The following SPRR2G variants were observed in gnomAD, a reference collection of about 807,000 sequenced individuals.
SPRR2G encodes small proline-rich protein 2G.
SPRR2G carries 1 observed loss-of-function variant against 0.7 expected under a neutral mutation model. The ratio of observed to expected loss-of-function variants is 1.49; its 90% CI spans 0.53 to 7.06. SPRR2G has a LOEUF of 7.06. SPRR2G is among the 30% of genes most tolerant of loss of function. The probability of loss-of-function intolerance (pLI) is 0.14; values close to 1 mark genes in which losing one functional copy is unlikely to be tolerated. For synonymous variants in SPRR2G, 38 were observed against 33.9 expected (o/e 1.12, Z -0.42); for missense variants, 96 against 88.5 (o/e 1.09, Z -0.34).
At chr1:153,158,087 A>G in the SPRR2G span, among the ~76,000 whole-genome samples, 1 of 151,914 alleles carries the variant, frequency 6.6e-6, no homozygotes, top group Non-Finnish European at 1.5e-5. Context: ...CTGCTCCTGG[A>G]CCCTCCCAAA....
chr1:153,157,423 A>C, the SPRR2G span, among the ~76,000 whole-genome samples: 1 of 152,194 alleles, frequency 6.6e-6, no homozygotes, highest in Non-Finnish European at 1.5e-5. Context: ...ATTGTTGATA[A>C]TTTTTGAAGC....
chr1:153,201,431 C>T, the SPRR2G span, among the ~76,000 whole-genome samples: 7 of 152,192 alleles, frequency 4.6e-5, no homozygotes, highest in Non-Finnish European at 1.0e-4. Context: ...ACATTTTTTA[C>T]ATTGCTGTCA....
the SPRR2G span, among the ~76,000 whole-genome samples, chr1:153,197,132 ATGTGTGTGTGTGTG>A: frequency 0.16 from 22,474 of 140,474 alleles, 1,878 homozygotes; most frequent in East Asian, 0.21. Context: ...CAGGCAGAGA[ATGTGTGTGTGTGTG>A]TGTGTGTGTG....
At chr1:153,159,269 T>C in the SPRR2G span, among the ~76,000 whole-genome samples, 1 of 152,166 alleles carries the variant, frequency 6.6e-6, no homozygotes, top group Non-Finnish European at 1.5e-5. Context: ...TCTTTCAAGT[T>C]CAGAGCACCA....
the SPRR2G span, among the ~76,000 whole-genome samples, chr1:153,161,494 T>C: frequency 1.3e-5 from 2 of 151,760 alleles, 1 homozygote; most frequent in East Asian, 3.9e-4. Context: ...CATGTATGGT[T>C]TGCAAATATT....
chr1:153,160,327 G>T, the SPRR2G span, among the ~76,000 whole-genome samples: 1 of 152,134 alleles, frequency 6.6e-6, no homozygotes, highest in African/African-American at 2.4e-5. Flanking sequence ...CATTTAGATT[G>T]TTTCCATATC....
At chr1:153,196,186 A>C in the SPRR2G span, among the ~76,000 whole-genome samples, 1 of 152,142 alleles carries the variant, frequency 6.6e-6, no homozygotes, top group African/African-American at 2.4e-5. Context: ...CATCTTACTT[A>C]ATTATTTTAT....
chr1:153,150,444 C>A (rs975784828), intron 1 of SPRR2G, among the ~76,000 whole-genome samples: 3 of 152,150 alleles, frequency 2.0e-5, no homozygotes, highest in Admixed American at 6.5e-5. Context: ...CAATACCAAA[C>A]AAATCTGTGC....
At chr1:153,199,657 A>G in the SPRR2G span, among the ~76,000 whole-genome samples, 1 of 152,222 alleles carries the variant, frequency 6.6e-6, no homozygotes, top group East Asian at 1.9e-4. Flanking sequence ...CAGTAGTACC[A>G]AGTAGGAAAG....
the SPRR2G span, among the ~76,000 whole-genome samples, chr1:153,170,302 A>C: frequency 6.6e-6 from 1 of 152,166 alleles, no homozygotes; most frequent in African/African-American, 2.4e-5. Context: ...AAATTACACA[A>C]ATTTCTAGAA....
chr1:153,201,810 A>G, the SPRR2G span, among the ~76,000 whole-genome samples: 17 of 152,336 alleles, frequency 1.1e-4, no homozygotes, highest in South Asian at 1.2e-3. Flanking sequence ...TTAAACTGAA[A>G]TGAACTGAAG....
chr1:153,150,704 T>C (rs1384251480), intron 1 of SPRR2G, 148 bp downstream of exon 1: 1 of 156,332 alleles, frequency 6.4e-6, no homozygotes, highest in Non-Finnish European at 1.4e-5. Flanking sequence ...ATCTACCAAA[T>C]ACCAGCTAAA....
chr1:153,184,156 G>T, the SPRR2G span, among the ~76,000 whole-genome samples: 1 of 152,166 alleles, frequency 6.6e-6, no homozygotes, highest in Non-Finnish European at 1.5e-5. Flanking sequence ...GTAGCATGAT[G>T]CCTCCAGCTT....
the SPRR2G span, among the ~76,000 whole-genome samples, chr1:153,158,748 A>G: frequency 6.6e-6 from 1 of 152,198 alleles, no homozygotes; most frequent in African/African-American, 2.4e-5. Context: ...TTCTGCCTGG[A>G]CACTCAGGCA....
chr1:153,154,655 C>T (rs1656545923), upstream of SPRR2G, among the ~76,000 whole-genome samples: 1 of 152,100 alleles, frequency 6.6e-6, no homozygotes, highest in Admixed American at 6.6e-5. Flanking sequence ...TGTTCATAAG[C>T]AGTCTCTTAG....
chr1:153,155,803 A>G (rs1300744324), upstream of SPRR2G, among the ~76,000 whole-genome samples: 2 of 152,108 alleles, frequency 1.3e-5, no homozygotes, highest in African/African-American at 2.4e-5. Flanking sequence ...CCATATTATT[A>G]TTGTTTTACC....
At chr1:153,153,089 G>A (rs571781692), upstream of SPRR2G, among the ~76,000 whole-genome samples, 3 of 152,148 alleles carry the variant, frequency 2.0e-5, no homozygotes, top group South Asian at 2.1e-4. Flanking sequence ...TCTACATGAG[G>A]GTTTGCTGGA....
the SPRR2G span, among the ~76,000 whole-genome samples, chr1:153,195,717 G>A: frequency 2.0e-4 from 30 of 152,140 alleles, no homozygotes; most frequent in African/African-American, 7.2e-4. Flanking sequence ...CCTCTCCTAA[G>A]AGAGCTGACC....
At chr1:153,159,167 T>C in the SPRR2G span, among the ~76,000 whole-genome samples, 5 of 152,246 alleles carry the variant, frequency 3.3e-5, no homozygotes, top group South Asian at 1.0e-3. Context: ...TCTTTGTGAA[T>C]GTATGTGACG....
Sources: allele counts gnomAD v4.1 joint callset (sites outside exome capture counted in the v4.1 genomes callset), GRCh38; gene constraint gnomAD v4.1.1; transcripts MANE v1.5; gene names NCBI Gene and HGNC (gene_info 2026-07-23, HGNC 2026-07-21).